The following GNA14 variants were observed in gnomAD, a reference collection of about 807,000 sequenced individuals.
The protein encoded by GNA14 is G protein subunit alpha 14, also known as guanine nucleotide-binding protein subunit alpha-14.
Under a neutral mutation model 42.0 loss-of-function variants are expected in GNA14, and 50 were observed. The ratio of observed to expected loss-of-function variants is 1.19; its 90% CI spans 0.95 to 1.51. GNA14 has a LOEUF of 1.51. Among genes scored for constraint, GNA14 ranks in the 40% most tolerant of loss-of-function variants. The pLI, the probability that GNA14 is intolerant of heterozygous loss-of-function variation, is 0.00. For missense variants in GNA14, 473 were observed against 446.2 expected (o/e 1.06, Z -0.54); for synonymous variants, 173 against 163.1 (o/e 1.06, Z -0.46).
At chr9:77,609,851 G>A (rs146582165) in intron 1 of GNA14, among the ~76,000 whole-genome samples, 24 of 152,226 alleles carry the variant, frequency 1.6e-4, no homozygotes, top group African/African-American at 2.6e-4. Context: ...GATCCAGCCC[G>A]CCACCACCTC....
chr9:77,639,184 G>T (rs923667582), intron 1 of GNA14, among the ~76,000 whole-genome samples: 1 of 152,164 alleles, frequency 6.6e-6, no homozygotes, highest in Non-Finnish European at 1.5e-5. Context: ...TCTGGGGGAA[G>T]AGTTTCAAGA....
chr9:77,500,065 C>T (rs1433058072), intron 2 of GNA14, among the ~76,000 whole-genome samples: 1 of 150,362 alleles, frequency 6.7e-6, no homozygotes, highest in East Asian at 2.0e-4. Context: ...TCTTGTTGCT[C>T]AGGCTGGAGT....
intron 3 of GNA14, 123 bp from the exon 4 acceptor site, chr9:77,431,572 G>C: frequency 2.4e-6 from 2 of 819,466 alleles, no homozygotes; most frequent in Non-Finnish European, 3.8e-6. Flanking sequence ...TTCCATCAAT[G>C]ACTTTCCTGA....
intron 2 of GNA14, among the ~76,000 whole-genome samples, chr9:77,493,026 A>AATATATATATATATATATATATATAT (rs1172872010): frequency 1.9e-5 from 1 of 51,728 alleles, no homozygotes; most frequent in Non-Finnish European, 3.3e-5. Context: ...AAAAAAAAAA[A>AATATATATATATATATATATATATAT]ATATATATAT....
intron 2 of GNA14, among the ~76,000 whole-genome samples, chr9:77,514,988 G>A (rs1360979088): frequency 6.6e-6 from 1 of 152,164 alleles, no homozygotes; most frequent in African/African-American, 2.4e-5. Context: ...AGGACGTTCA[G>A]GCAGATGGAG....
intron 1 of GNA14, among the ~76,000 whole-genome samples, chr9:77,623,601 G>A (rs375094632): frequency 6.6e-6 from 1 of 152,176 alleles, no homozygotes; most frequent in Non-Finnish European, 1.5e-5. Context: ...TGGTTAGAGT[G>A]GGTGCAACGC....
intron 2 of GNA14, among the ~76,000 whole-genome samples, chr9:77,456,893 T>TG (rs1171408285): frequency 3.3e-5 from 5 of 152,180 alleles, no homozygotes; most frequent in Non-Finnish European, 7.3e-5. Flanking sequence ...GTGATGTTTA[T>TG]GAAAAAAAAT....
chr9:77,564,690 G>T (rs548729672), intron 1 of GNA14, among the ~76,000 whole-genome samples: 45 of 152,064 alleles, frequency 3.0e-4, no homozygotes, highest in African/African-American at 1.1e-3. Context: ...AATATTAGCT[G>T]GGCATGGTGG....
chr9:77,518,367 T>C (rs1837295269), intron 2 of GNA14, among the ~76,000 whole-genome samples: 13 of 152,150 alleles, frequency 8.5e-5, no homozygotes, highest in Admixed American at 8.5e-4. Context: ...ATCCAAATAA[T>C]GACCATCATG....
intron 1 of GNA14, among the ~76,000 whole-genome samples, chr9:77,591,686 C>T (rs1280033046): frequency 6.6e-6 from 1 of 152,210 alleles, no homozygotes; most frequent in Non-Finnish European, 1.5e-5. Flanking sequence ...AAACATGTCT[C>T]TTAGATTAGT....
intron 2 of GNA14, among the ~76,000 whole-genome samples, chr9:77,455,320 T>C (rs1044325793): frequency 6.6e-6 from 1 of 152,216 alleles, no homozygotes; most frequent in Non-Finnish European, 1.5e-5. Context: ...CTCTAGATCT[T>C]CTTTAATGGG....
chr9:77,532,510 A>G (rs919749260), intron 1 of GNA14, among the ~76,000 whole-genome samples: 2 of 152,222 alleles, frequency 1.3e-5, no homozygotes, highest in African/African-American at 4.8e-5. Context: ...GTTTAACTCA[A>G]GCTAAGGATC....
intron 2 of GNA14, among the ~76,000 whole-genome samples, chr9:77,509,426 T>A (rs1308014189): frequency 6.6e-6 from 1 of 152,202 alleles, no homozygotes; most frequent in African/African-American, 2.4e-5. Flanking sequence ...TGTAAAAAGC[T>A]CTTTGAGACC....
intron 2 of GNA14, among the ~76,000 whole-genome samples, chr9:77,466,068 A>G (rs765603538): frequency 6.6e-6 from 1 of 152,166 alleles, no homozygotes; most frequent in Non-Finnish European, 1.5e-5. Flanking sequence ...CAGTTCGACT[A>G]TAATGTGTCT....
In GNA14 at chr9:77,529,183, G is replaced by A. The variant is rs12346870; in HGVS notation, c.195C>T (p.Asp65=). The A allele has an allele frequency of 3.6e-3, 5,804 of 1,613,794 alleles. 163 individuals carry two copies. In the African/African-American group the frequency reaches 0.063, roughly 17 times the overall value. ...MRIIHGSGYS[D]EDRKGFTKLV... ...GCTTCGTGAACCCCTTTCTGTCTTC[G>A]TCGCTGTAACCAGACCCATGGATAA... The change falls in exon 2 of 7, where the codon GAC becomes GAT. Residue 65 remains aspartate (D), a synonymous_variant. Transcript: ENST00000341700.
At chr9:77,539,163 T>C (rs1367381292) in intron 1 of GNA14, among the ~76,000 whole-genome samples, 5 of 152,208 alleles carry the variant, frequency 3.3e-5, no homozygotes, top group African/African-American at 1.2e-4. Context: ...GCTTTATTAT[T>C]TCAAGGTATG....
At position 77,644,168 on chromosome 9, in the gene GNA14, A is replaced by T. The variant is rs949630450; in HGVS notation, c.124+3502T>A. ...TAATAAAATAGGAACTGGTATCCTT[A>T]TAAGAAGAGGAAGTGGCACGACACA... On this transcript the variant is annotated intron_variant, in intron 1 of 6. Transcript: ENST00000341700. Among the ~76,000 whole-genome samples, 7 of 152,272 alleles carry T rather than the reference A, an allele frequency of 4.6e-5. No homozygotes were observed. The South Asian group carries it at 1.5e-3, about 32-fold the overall frequency.
intron 1 of GNA14, among the ~76,000 whole-genome samples, chr9:77,564,301 A>AC (rs1296433860): frequency 2.0e-5 from 3 of 146,442 alleles, no homozygotes; most frequent in Non-Finnish European, 4.6e-5. Context: ...CAATTTAAAA[A>AC]AAAAAAAAAA....
At position 77,530,990 on chromosome 9, in the gene GNA14, C is replaced by A. The variant is rs147361180; in HGVS notation, c.125-1737G>T. The stretch of plus-strand genomic sequence containing the variant: ...GGCCTTCAATGTTCACCACAGACAT[C>A]ACATATCCTAGAAAGGATTTCCTTC... On this transcript the variant is annotated intron_variant, in intron 1 of 6. Coordinates refer to ENST00000341700, the MANE Select transcript of GNA14 (RefSeq NM_004297.4). Among the ~76,000 whole-genome samples, 20 of 152,358 alleles carry A rather than the reference C, an allele frequency of 1.3e-4. No individual in the cohort carries two copies. In the East Asian group the frequency reaches 3.7e-3, roughly 28 times the overall value.
Sources: gnomAD v4.1 joint callset for allele counts (sites outside exome capture counted in the v4.1 genomes callset) on GRCh38, gnomAD v4.1.1 for gene constraint, MANE v1.5 for transcripts, NCBI Gene and HGNC (gene_info 2026-07-23, HGNC 2026-07-21) for gene names.